The following TSHZ3 variants were observed in gnomAD, a reference collection of about 807,000 sequenced individuals.
TSHZ3 encodes the protein teashirt zinc finger homeobox 3.
In TSHZ3, 10 loss-of-function variants were observed where a neutral mutation model predicts 64.5. That is an observed-to-expected ratio of 0.16 (90% CI 0.10 to 0.26). The LOEUF (loss-of-function observed/expected upper bound fraction) is 0.26. Among genes scored for constraint, TSHZ3 ranks in the 10% least tolerant of loss-of-function variants. The pLI is 1.00. For missense variants in TSHZ3, 1,242 were observed against 1,421.7 expected, an observed-to-expected ratio of 0.87 and a Z score of 2.03; for synonymous variants, 608 against 593.1, an observed-to-expected ratio of 1.03 and a Z score of -0.36.
At chr19:31,329,021 C>T (rs2145178425) in intron 1 of TSHZ3, among the ~76,000 whole-genome samples, 1 of 152,252 alleles carries the variant, frequency 6.6e-6, no homozygotes, top group South Asian at 2.1e-4. Context: ...GGATGTCTAC[C>T]TTAAACTTCA....
chr19:31,164,714 A>C (rs376940641), intron 5 of TSHZ3, among the ~76,000 whole-genome samples: 1 of 152,216 alleles, frequency 6.6e-6, no homozygotes, highest in Non-Finnish European at 1.5e-5. Context: ...CGCTGCGTGC[A>C]TGAAGGCTCC....
At chr19:31,222,718 G>C (rs373099357) in intron 4 of TSHZ3, among the ~76,000 whole-genome samples, 1 of 152,162 alleles carries the variant, frequency 6.6e-6, no homozygotes. Flanking sequence ...GAATTGAATG[G>C]AGTTAATTTG....
chr19:31,172,961 G>T (rs1412577078), intron 5 of TSHZ3, among the ~76,000 whole-genome samples: 5 of 152,216 alleles, frequency 3.3e-5, no homozygotes, highest in Non-Finnish European at 5.9e-5. Context: ...ACCCAAGATA[G>T]GGACAGAAGG....
At chr19:31,272,110 A>C (rs2145206526), downstream of TSHZ3, among the ~76,000 whole-genome samples, 2 of 152,336 alleles carry the variant, frequency 1.3e-5, no homozygotes, top group Middle Eastern at 3.4e-3. Context: ...AAATGTCTAA[A>C]GATGATAGTT....
chr19:31,350,765 C>T (rs1174965686), upstream of TSHZ3, among the ~76,000 whole-genome samples: 2 of 148,864 alleles, frequency 1.3e-5, no homozygotes, highest in East Asian at 3.9e-4. Context: ...TGCGGGCGAC[C>T]CCCGGGCGGC....
intron 1 of TSHZ3, among the ~76,000 whole-genome samples, chr19:31,302,227 C>T (rs902719764): frequency 6.6e-5 from 10 of 152,186 alleles, no homozygotes; most frequent in Admixed American, 3.3e-4. Flanking sequence ...GCTGCCAACA[C>T]TTCCCAAGGG....
intron 5 of TSHZ3, among the ~76,000 whole-genome samples, chr19:31,193,635 G>C (rs1974944878): frequency 6.6e-6 from 1 of 152,272 alleles, no homozygotes; most frequent in Middle Eastern, 3.4e-3. Flanking sequence ...AGGTAACATT[G>C]TGAGAATCAT....
chr19:31,297,281 C>T (rs547578107), intron 1 of TSHZ3, among the ~76,000 whole-genome samples: 1 of 152,308 alleles, frequency 6.6e-6, no homozygotes, highest in Non-Finnish European at 1.5e-5. Flanking sequence ...CTGTGGTGGA[C>T]TACTCGGGGT....
rs533342742 is a variant in TSHZ3 at position 31,243,853 on chromosome 19, A to C, written n.64-978T>G. On this transcript the variant is annotated intron_variant and non_coding_transcript_variant, in intron 1 of 6. Transcript: ENST00000651361. ...TTGGAAACTTGATGTAACAATATCA[A>C]ATCATGATTTCTCATGTGGAATACA... is the stretch of plus-strand genomic sequence containing the variant. 7.2e-5 allele frequency among the ~76,000 whole-genome samples: 11 copies of C among 152,316 alleles called. No homozygotes were observed. In the South Asian group the frequency reaches 2.3e-3, roughly 32 times the overall value.
chr19:31,345,273 A>G (rs770174864), intron 1 of TSHZ3, among the ~76,000 whole-genome samples: 4 of 152,226 alleles, frequency 2.6e-5, no homozygotes, highest in Admixed American at 6.5e-5. Flanking sequence ...CCAAGGAGAA[A>G]TACGTGGCAG....
At chr19:31,184,733 T>C (rs1372193193) in intron 5 of TSHZ3, among the ~76,000 whole-genome samples, 6 of 152,198 alleles carry the variant, frequency 3.9e-5, no homozygotes, top group Admixed American at 3.9e-4. Flanking sequence ...GTATTTGATA[T>C]TGAAGTCAGA....
intron 1 of TSHZ3, among the ~76,000 whole-genome samples, chr19:31,340,099 C>T (rs915560873): frequency 2.0e-5 from 3 of 151,896 alleles, no homozygotes; most frequent in African/African-American, 4.8e-5. Context: ...AGCCGCCTCG[C>T]CCTCCCCCTT....
chr19:31,300,115 G>A (rs943883654), intron 1 of TSHZ3, among the ~76,000 whole-genome samples: 17 of 152,162 alleles, frequency 1.1e-4, no homozygotes, highest in Admixed American at 9.8e-4. Context: ...TGCATTACAA[G>A]CCTAAGAGGG....
intron 3 of TSHZ3, among the ~76,000 whole-genome samples, chr19:31,238,683 T>C (rs1975652456): frequency 6.6e-6 from 1 of 152,230 alleles, no homozygotes; most frequent in African/African-American, 2.4e-5. Context: ...GAAATCCACC[T>C]TCTCTAATAC....
downstream of TSHZ3, among the ~76,000 whole-genome samples, chr19:31,273,303 A>G (rs1400744959): frequency 6.6e-6 from 1 of 152,208 alleles, no homozygotes; most frequent in Non-Finnish European, 1.5e-5. Flanking sequence ...ACCCCCACGT[A>G]TATGAGCAGT....
chr19:31,272,937 C>T (rs756566822), downstream of TSHZ3, among the ~76,000 whole-genome samples: 9 of 152,092 alleles, frequency 5.9e-5, no homozygotes, highest in Admixed American at 1.3e-4. Flanking sequence ...CTGACTTGGG[C>T]GACCAATGCC....
intron 5 of TSHZ3, among the ~76,000 whole-genome samples, chr19:31,199,523 T>C (rs1180814281): frequency 2.0e-5 from 3 of 147,670 alleles, no homozygotes; most frequent in Non-Finnish European, 4.5e-5. Context: ...CAACAGAACA[T>C]CCACATGACC....
At position 31,183,211 on chromosome 19, in the gene TSHZ3, TC is replaced by T. The variant is rs1164936884; in HGVS notation, n.809+21744del. On this transcript the variant is annotated intron_variant and non_coding_transcript_variant, in intron 5 of 6. Transcript: ENST00000651361. Reference sequence around the variant, plus strand: ...CTCTCTCTCTCTCTCTCTCTCTCTCTCTCTCTCTCTCTCTCTTTCTCTCTCT... The same window carrying T: ...CTCTCTCTCTCTCTCTCTCTCTCTCTTCTCTCTCTCTCTCTTTCTCTCTCT... Among the ~76,000 whole-genome samples, 149 of 91,204 alleles carry T rather than the reference TC, an allele frequency of 1.6e-3. 1 individual carries two copies. The highest frequency in any genetic ancestry group is 9.2e-3 in the African/African-American group (146 of 15,854). 59.8% of individuals were successfully genotyped at this position (91,204 alleles called of 152,430 possible). A position where few individuals can be genotyped will look rare whatever the true frequency, so the allele number is the denominator to read the frequency against.
chr19:31,312,064 C>A lies in TSHZ3; in HGVS notation c.41-32312G>T, dbSNP rs374440351. 6.6e-5 allele frequency among the ~76,000 whole-genome samples: 10 copies of A among 152,312 alleles called. No homozygotes were observed. In the South Asian group the frequency reaches 2.1e-3, roughly 32 times the overall value. On this transcript the variant is annotated intron_variant, in intron 1 of 1. Coordinates refer to ENST00000240587, the MANE Select transcript of TSHZ3 (RefSeq NM_020856.4). ...AAATCCTGGCTTCTCCATGTCATGG[C>A]CTTTGAGTCTCAGTTTCCCCATCTG...
Sources: allele counts gnomAD v4.1 joint callset (sites outside exome capture counted in the v4.1 genomes callset), GRCh38; gene constraint gnomAD v4.1.1; transcripts MANE v1.5; gene names NCBI Gene and HGNC (gene_info 2026-07-23, HGNC 2026-07-21).